The following CYP2E1 variants were observed in gnomAD, a reference collection of about 807,000 sequenced individuals.
The protein encoded by CYP2E1 is cytochrome P450 family 2 subfamily E member 1.
A neutral mutation model predicts 42.9 loss-of-function variants in CYP2E1; 31 were observed. That is an observed-to-expected ratio of 0.72 (90% CI 0.54 to 0.98). CYP2E1 has a LOEUF of 0.98. CYP2E1 is among the 50% of genes least tolerant of loss of function. CYP2E1 has a pLI of 0.00. For synonymous variants in CYP2E1, 244 were observed against 248.9 expected (o/e 0.98, Z 0.19); for missense variants, 565 against 633.2 (o/e 0.89, Z 1.16).
At chr10:133,535,805 A>G (rs1255824111) in intron 6 of CYP2E1, among the ~76,000 whole-genome samples, 1 of 152,230 alleles carries the variant, frequency 6.6e-6, no homozygotes, top group South Asian at 2.1e-4. Context: ...CTCACCAGAA[A>G]TGGCTTCAGA....
chr10:133,539,050 T>A lies in CYP2E1; in HGVS notation c.*86T>A, dbSNP rs535324689. The A allele has an allele frequency of 1.3e-5, 13 of 1,010,792 alleles. No individual in the cohort carries two copies. In the East Asian group the frequency reaches 3.3e-4, roughly 26 times the overall value. 62.6% of individuals were successfully genotyped at this position (1,010,792 alleles called of 1,614,324 possible). On this transcript the variant is annotated 3_prime_UTR_variant, in exon 9 of 9. Transcript: ENST00000252945. ...AGGATTTCTCAAACTGATTCCTTTC[T>A]TTGCATATGAGTATTTGAAAATAAA...
rs752694633 is a variant in CYP2E1 at position 133,531,569 on chromosome 10, G to T, written c.338-16G>T. 1.2e-6 allele frequency: 2 copies of T among 1,613,846 alleles called. No individual in the cohort carries two copies. Among genetic ancestry groups the T allele is most frequent in the South Asian group, 2.2e-5 (2 of 91,070 alleles). ...TGGGTATTTAGAATAACCTTCTGCT[G>T]GCCCCTCTGCCTTAGGAATCATTTT... On this transcript the variant is annotated splice_polypyrimidine_tract_variant and intron_variant, in intron 2 of 8. Transcript: ENST00000252945.
At chr10:133,538,491 T>G (rs1426202220) in intron 8 of CYP2E1, among the ~76,000 whole-genome samples, 1 of 152,180 alleles carries the variant, frequency 6.6e-6, no homozygotes. Flanking sequence ...TGGGGGTGCC[T>G]TCTTTACTGG....
chr10:133,538,894 T>C lies in CYP2E1; in HGVS notation c.1412T>C (p.Leu471Pro). ...CTCGTTGACCCAAAGGATATCGACC[T>C]CAGCCCTATACATATTGGGTTTGGC... Reference protein sequence around the residue: ...KPLVDPKDIDLSPIHIGFGCI... With the variant: ...KPLVDPKDIDPSPIHIGFGCI... The change falls in exon 9 of 9, where the codon CTC becomes CCC. Residue 471 changes from leucine (L) to proline (P), a missense_variant. Coordinates refer to ENST00000252945, the MANE Select transcript of CYP2E1 (RefSeq NM_000773.4). 6.2e-7 allele frequency: 1 copy of C among 1,613,968 alleles called. No individual in the cohort carries two copies. The highest frequency in any genetic ancestry group is 8.5e-7 in the Non-Finnish European group (1 of 1,179,924).
Position 133,536,912 on chromosome 10 carries a change from A to G in CYP2E1, c.968-151A>G. On this transcript the variant is annotated intron_variant, in intron 6 of 8. Transcript: ENST00000252945. ...GGGTGGATGGATGGAGGATGGATGGATGGATGGAGGGGTGTATAGATGGAG... is the reference window on the plus strand; with the variant it reads ...GGGTGGATGGATGGAGGATGGATGGGTGGATGGAGGGGTGTATAGATGGAG... The G allele has an allele frequency of 6.4e-6, 4 of 620,494 alleles. No homozygotes were observed. The East Asian group carries it at 8.8e-5, about 14-fold the overall frequency. The allele number at this position is 620,494 out of a possible 1,614,324, so 38.4% of individuals were successfully genotyped here.
intron 1 of CYP2E1, chr10:133,528,089 A>C: frequency 4.2e-6 from 1 of 239,658 alleles, no homozygotes; most frequent in Admixed American, 5.0e-5. Context: ...GCGCAGGCTG[A>C]CGGCGGGCGG....
At chr10:133,530,097 C>T (rs1351077598) in intron 2 of CYP2E1, among the ~76,000 whole-genome samples, 2 of 152,104 alleles carry the variant, frequency 1.3e-5, no homozygotes, top group African/African-American at 4.8e-5. Context: ...CTGCCTCTGC[C>T]TGGAGGGTCT....
At chr10:133,537,356 G>A in intron 7 of CYP2E1, 106 bp downstream of exon 7, 1 of 1,160,886 alleles carries the variant, frequency 8.6e-7, no homozygotes, top group Non-Finnish European at 1.2e-6. Context: ...CCTTTGGCAG[G>A]GGTCACTGAG....
At position 133,527,527 on chromosome 10, in the gene CYP2E1, C is replaced by A. The variant is rs527949682; in HGVS notation, c.132C>A (p.Asn44Lys). The A allele has an allele frequency of 2.5e-6, 4 of 1,613,444 alleles. No individual in the cohort carries two copies. Among genetic ancestry groups the A allele is most frequent in the East Asian group, 2.2e-5 (1 of 44,880 alleles). ...CTTTCCCGCTTCCCATCATCGGGAACCTCTTCCAGTTGGAATTGAAGAATA... is the reference window on the plus strand; with the variant it reads ...CTTTCCCGCTTCCCATCATCGGGAAACTCTTCCAGTTGGAATTGAAGAATA... The part of the protein sequence containing the change: ...PGPFPLPIIG[N>K]LFQLELKNIP... Residue 44 changes from asparagine to lysine, a missense_variant, in exon 1 of 9, where the codon AAC becomes AAA. Transcript: ENST00000252945.
chr10:133,538,224 C>T (rs1851429130), intron 8 of CYP2E1, among the ~76,000 whole-genome samples: 1 of 152,142 alleles, frequency 6.6e-6, no homozygotes, highest in African/African-American at 2.4e-5. Flanking sequence ...TTACCCAATT[C>T]TCCCTAATTT....
Position 133,537,187 on chromosome 10 carries a change from G to T in CYP2E1, c.1092G>T (p.Val364=). Residue 364 remains valine (V), a synonymous_variant, in exon 7 of 9, where the codon GTG becomes GTT. Transcript: ENST00000252945. ...AGATTCAGCGGTTCATCACCCTCGT[G>T]CCCTCCAACCTGCCCCATGAAGCAA... ...VHEIQRFITL[V]PSNLPHEATR... 2 of 1,614,072 alleles carry T rather than the reference G, an allele frequency of 1.2e-6. No homozygotes were observed. Among genetic ancestry groups the T allele is most frequent in the Non-Finnish European group, 8.5e-7 (1 of 1,179,988 alleles).
chr10:133,536,879 G>A (rs900651577), intron 6 of CYP2E1, among the ~76,000 whole-genome samples, 184 bp from the exon 7 acceptor site: 12 of 151,284 alleles, frequency 7.9e-5, no homozygotes, highest in Non-Finnish European at 1.5e-4. Flanking sequence ...GTGGGTGGAT[G>A]GATGCATGGG....
intron 3 of CYP2E1, 192 bp from the exon 4 acceptor site, chr10:133,531,932 C>A: frequency 1.4e-6 from 1 of 740,130 alleles, no homozygotes; most frequent in Non-Finnish European, 2.2e-6. Flanking sequence ...CCATTAAACA[C>A]GTGACTTGTA....
At chr10:133,536,990 G>GGGTGGATGATA in intron 6 of CYP2E1, 73 bp from the exon 7 acceptor site, 14 of 1,419,228 alleles carry the variant, frequency 9.9e-6, no homozygotes, top group Non-Finnish European at 1.4e-5. Flanking sequence ...TTGAATAGAT[G>GGGTGGATGATA]GGTGGATGAT....
chr10:133,535,718 A>G (rs1403354513), intron 6 of CYP2E1, among the ~76,000 whole-genome samples: 1 of 152,222 alleles, frequency 6.6e-6, no homozygotes, highest in Non-Finnish European at 1.5e-5. Context: ...ATTTTGCGAT[A>G]CTTCCATCAG....
intron 7 of CYP2E1, 82 bp from the exon 8 acceptor site, chr10:133,537,669 C>A: frequency 8.1e-7 from 1 of 1,227,852 alleles, no homozygotes; most frequent in Non-Finnish European, 1.2e-6. Flanking sequence ...ATATTCAAAA[C>A]TACATTCTTC....
At chr10:133,531,526 G>T in intron 2 of CYP2E1, 59 bp from the exon 3 acceptor site, 1 of 1,588,346 alleles carries the variant, frequency 6.3e-7, no homozygotes, top group Non-Finnish European at 8.6e-7. Context: ...GCCCTCTGTA[G>T]CCCATTTCTC....
At chr10:133,538,016 G>C in intron 8 of CYP2E1, 124 bp downstream of exon 8, 1 of 907,228 alleles carries the variant, frequency 1.1e-6, no homozygotes, top group Non-Finnish European at 1.6e-6. Context: ...TGTGTGCCCT[G>C]TTTCTATTGA....
chr10:133,527,714 G>A (rs754342532), intron 1 of CYP2E1, 142 bp downstream of exon 1: 10 of 696,856 alleles, frequency 1.4e-5, no homozygotes, highest in Non-Finnish European at 2.4e-5. Context: ...ATCCTGGAGC[G>A]ACACTCAAAA....
Sources: allele counts gnomAD v4.1 joint callset (sites outside exome capture counted in the v4.1 genomes callset), GRCh38; gene constraint gnomAD v4.1.1; transcripts MANE v1.5; gene names NCBI Gene and HGNC (gene_info 2026-07-23, HGNC 2026-07-21).